FOXP2: variants seen among roughly 807,000 people sequenced by gnomAD.
FOXP2 encodes the protein forkhead box P2, also known as forkhead box protein P2.
In FOXP2, 12 loss-of-function variants were observed where a neutral mutation model predicts 115.8. The ratio of observed to expected loss-of-function variants is 0.10; its 90% CI spans 0.07 to 0.17. The LOEUF (loss-of-function observed/expected upper bound fraction) is 0.17. Among genes scored for constraint, FOXP2 ranks in the 10% least tolerant of loss-of-function variants. The pLI is 1.00. For missense variants in FOXP2, 629 were observed against 843.5 expected, an observed-to-expected ratio of 0.75 and a Z score of 3.15; for synonymous variants, 328 against 297.7, an observed-to-expected ratio of 1.10 and a Z score of -1.05.
intron 7 of FOXP2, among the ~76,000 whole-genome samples, chr7:114,642,963 C>T (rs6953159): frequency 4.6e-5 from 7 of 150,862 alleles, no homozygotes; most frequent in African/African-American, 1.5e-4. Flanking sequence ...CGCCCGCCCC[C>T]ACGCCTGGCT....
intron 1 of FOXP2, among the ~76,000 whole-genome samples, chr7:114,090,495 A>G (rs1468345230): frequency 6.6e-6 from 1 of 151,882 alleles, no homozygotes; most frequent in Non-Finnish European, 1.5e-5. Flanking sequence ...CTGATTTCAA[A>G]AACAACTTTA....
chr7:114,508,356 T>C (rs1797922221), intron 2 of FOXP2, among the ~76,000 whole-genome samples: 1 of 152,012 alleles, frequency 6.6e-6, no homozygotes, highest in Non-Finnish European at 1.5e-5. Context: ...CATTTAGCAA[T>C]TGTTTGTTAG....
At chr7:114,245,005 G>A (rs1046403099) in intron 1 of FOXP2, among the ~76,000 whole-genome samples, 9 of 152,186 alleles carry the variant, frequency 5.9e-5, no homozygotes, top group Non-Finnish European at 8.8e-5. Flanking sequence ...CTCGTGATCC[G>A]CCCGCCTCGG....
intron 2 of FOXP2, among the ~76,000 whole-genome samples, chr7:114,306,945 A>G (rs1016993584): frequency 6.6e-6 from 1 of 152,102 alleles, no homozygotes; most frequent in East Asian, 1.9e-4. Context: ...TTGTGATTAC[A>G]GTGGGTCCAC....
At chr7:114,401,298 A>G (rs2129196610) in intron 2 of FOXP2, among the ~76,000 whole-genome samples, 1 of 152,338 alleles carries the variant, frequency 6.6e-6, no homozygotes, top group Non-Finnish European at 1.5e-5. Context: ...TAATTACCCA[A>G]GAACACCATT....
chr7:114,569,901 A>G (rs1801204762), intron 3 of FOXP2, among the ~76,000 whole-genome samples: 1 of 151,888 alleles, frequency 6.6e-6, no homozygotes, highest in South Asian at 2.1e-4. Flanking sequence ...ATACTCCCTG[A>G]CACCCTTAAC....
intron 1 of FOXP2, among the ~76,000 whole-genome samples, chr7:114,227,876 C>T (rs1380388539): frequency 6.6e-6 from 1 of 151,892 alleles, no homozygotes; most frequent in East Asian, 1.9e-4. Context: ...CTCTTCCTAA[C>T]CACAGATGCC....
chr7:114,229,253 G>A (rs1794814132), intron 1 of FOXP2, among the ~76,000 whole-genome samples: 1 of 150,988 alleles, frequency 6.6e-6, no homozygotes, highest in South Asian at 2.1e-4. Context: ...CAATGTTAGA[G>A]CACCTAAATA....
intron 1 of FOXP2, among the ~76,000 whole-genome samples, chr7:114,141,520 C>T (rs935305446): frequency 3.9e-5 from 6 of 152,046 alleles, no homozygotes; most frequent in African/African-American, 9.7e-5. Flanking sequence ...AGGGGATGAA[C>T]GGAATGGTGA....
rs1275939377 is a variant in FOXP2 at position 114,313,542 on chromosome 7, G to C, written c.-11+25433G>C. 3.6e-5 allele frequency among the ~76,000 whole-genome samples: 2 copies of C among 55,746 alleles called. 1 individual carries two copies. Among genetic ancestry groups the C allele is most frequent in the Non-Finnish European group, 6.3e-5 (2 of 31,540 alleles). 36.6% of individuals were successfully genotyped at this position (55,746 alleles called of 152,430 possible). Reference sequence around the variant, plus strand: ...GGGCGGATCACGAGGTCAGGAGATCGAGACCATCCCGGCTAAAACGGTGAA... The same window carrying C: ...GGGCGGATCACGAGGTCAGGAGATCCAGACCATCCCGGCTAAAACGGTGAA... On this transcript the variant is annotated intron_variant, in intron 2 of 17. Transcript: ENST00000634411.
intron 2 of FOXP2, among the ~76,000 whole-genome samples, chr7:114,492,041 T>C (rs1383105367): frequency 2.0e-5 from 3 of 152,230 alleles, no homozygotes; most frequent in Non-Finnish European, 4.4e-5. Context: ...CATCTGGTCC[T>C]GGACTTTTTT....
chr7:114,396,651 G>C (rs922591237), intron 2 of FOXP2, among the ~76,000 whole-genome samples: 1 of 151,878 alleles, frequency 6.6e-6, no homozygotes, highest in African/African-American at 2.4e-5. Context: ...TAGAATGATG[G>C]TTACTAGGGG....
Position 114,312,001 on chromosome 7 carries a change from C to T in FOXP2, c.-11+23892C>T, listed in dbSNP as rs117090740. ...TCCTTACCAGCCAAGCTGGGTGGGG[C>T]AGGAGGAGGTTGCAGCAGAAGCCAG... On this transcript the variant is annotated intron_variant, in intron 2 of 17. Coordinates refer to the FOXP2 transcript ENST00000634411. Among the ~76,000 whole-genome samples the T allele has an allele frequency of 9.3e-3, 1,413 of 152,160 alleles. 16 individuals carry two copies. The highest frequency in any genetic ancestry group is 0.014 in the Non-Finnish European group (963 of 68,004).
intron 3 of FOXP2, among the ~76,000 whole-genome samples, chr7:114,539,446 A>T (rs529900114): frequency 6.6e-6 from 1 of 152,090 alleles, no homozygotes; most frequent in South Asian, 2.1e-4. Flanking sequence ...AAATAGAGCG[A>T]TCTATTATGA....
chr7:114,544,213 TCA>T (rs934140231), intron 3 of FOXP2, among the ~76,000 whole-genome samples: 14 of 152,102 alleles, frequency 9.2e-5, no homozygotes, highest in Middle Eastern at 3.2e-3. Context: ...AAGAGACCTC[TCA>T]CAAATATTGA....
intron 3 of FOXP2, among the ~76,000 whole-genome samples, chr7:114,553,584 G>C (rs1186152486): frequency 6.6e-6 from 1 of 152,078 alleles, no homozygotes; most frequent in African/African-American, 2.4e-5. Context: ...ATTAAAGAGA[G>C]ACAGTTTTGT....
chr7:114,336,974 G>T (rs1472455509), intron 2 of FOXP2, among the ~76,000 whole-genome samples: 1 of 151,424 alleles, frequency 6.6e-6, no homozygotes, highest in Non-Finnish European at 1.5e-5. Flanking sequence ...GCTGTCAGGT[G>T]TTCTTTTAAT....
intron 2 of FOXP2, among the ~76,000 whole-genome samples, chr7:114,465,886 G>A (rs1795777825): frequency 6.6e-6 from 1 of 152,118 alleles, no homozygotes; most frequent in South Asian, 2.1e-4. Context: ...GAAGAAAGTA[G>A]TCAGACTTCT....
At chr7:114,161,368 T>A (rs1033890491), upstream of FOXP2, among the ~76,000 whole-genome samples, 1 of 152,202 alleles carries the variant, frequency 6.6e-6, no homozygotes, top group Non-Finnish European at 1.5e-5. Flanking sequence ...ATTGCGAATA[T>A]CATTTACATT....
Sources: gnomAD v4.1 joint callset for allele counts (sites outside exome capture counted in the v4.1 genomes callset) on GRCh38, gnomAD v4.1.1 for gene constraint, MANE v1.5 for transcripts, NCBI Gene and HGNC (gene_info 2026-07-23, HGNC 2026-07-21) for gene names.